LGMN: variants seen among roughly 807,000 people sequenced by gnomAD.
LGMN encodes asparaginyl endopeptidase.
A neutral mutation model predicts 56.8 loss-of-function variants in LGMN; 36 were observed. That is an observed-to-expected ratio of 0.63 (90% CI 0.49 to 0.84). The LOEUF is 0.84. Among genes scored for constraint, LGMN ranks in the 40% least tolerant of loss-of-function variants. The pLI is 0.00. For synonymous variants in LGMN, 199 were observed against 210.1 expected (o/e 0.95, Z 0.46); for missense variants, 446 against 556.1 (o/e 0.80, Z 1.99).
chr14:92,716,408 G>A (rs143027857), intron 4 of LGMN, among the ~76,000 whole-genome samples, 187 bp from the exon 5 acceptor site: 45 of 152,288 alleles, frequency 3.0e-4, no homozygotes, highest in Non-Finnish European at 5.0e-4. Context: ...CGAAGCGGGC[G>A]GAACACTTGA....
Position 92,714,177 on chromosome 14 carries a change from G to A in LGMN, c.480+199C>T, listed in dbSNP as rs967196465. The stretch of plus-strand genomic sequence containing the variant: ...AGCTACCGACGCTGCGACATGAACA[G>A]AAAAGCAGGGAAAACTGTCTGGAAG... On this transcript the variant is annotated intron_variant, in intron 6 of 13. Transcript: ENST00000334869. This position sits in a 1 kb window ranked among gnomAD's most constrained non-coding sequence, Gnocchi z 5.1. Among the ~76,000 whole-genome samples, 3 of 152,174 alleles carry A rather than the reference G, an allele frequency of 2.0e-5. No individual in the cohort carries two copies. The highest frequency in any genetic ancestry group is 4.4e-5 in the Non-Finnish European group (3 of 68,034).
At chr14:92,719,215 A>ACCG (rs2140232154) in intron 2 of LGMN, among the ~76,000 whole-genome samples, 1 of 107,054 alleles carries the variant, frequency 9.3e-6, no homozygotes, top group Non-Finnish European at 1.8e-5. Flanking sequence ...CACCACCGCC[A>ACCG]CCAACACCAC....
At chr14:92,732,404 C>T in intron 2 of LGMN, 4 of 448,452 alleles carry the variant, frequency 8.9e-6, no homozygotes, top group Non-Finnish European at 1.6e-5. Context: ...ATTAAGATGG[C>T]CCTATCAAAA....
chr14:92,719,272 G>GCCA (rs1890294722), intron 2 of LGMN, among the ~76,000 whole-genome samples: 1 of 16,636 alleles, frequency 6.0e-5, no homozygotes, highest in Non-Finnish European at 1.1e-4. Context: ...CACCGCCGCC[G>GCCA]CCGCCACCGC....
chr14:92,720,607 C>G (rs1199819757), intron 2 of LGMN, among the ~76,000 whole-genome samples: 1 of 152,166 alleles, frequency 6.6e-6, no homozygotes, highest in South Asian at 2.1e-4. Flanking sequence ...GCGGCGGTTG[C>G]AGTGAGCCGA....
At position 92,714,184 on chromosome 14, in the gene LGMN, A is replaced by T. The variant is rs1360530136; in HGVS notation, c.480+192T>A. 6.6e-6 allele frequency among the ~76,000 whole-genome samples: 1 copy of T among 152,236 alleles called. No homozygotes were observed. The highest frequency in any genetic ancestry group is 1.5e-5 in the Non-Finnish European group (1 of 68,044). ...GACGCTGCGACATGAACAGAAAAGC[A>T]GGGAAAACTGTCTGGAAGAGATGTC... is the stretch of plus-strand genomic sequence containing the variant. On this transcript the variant is annotated intron_variant, in intron 6 of 13. Transcript: ENST00000334869. This position sits in a 1 kb window ranked among gnomAD's most constrained non-coding sequence, Gnocchi z 5.1.
At chr14:92,743,602 G>A (rs1419568919) in intron 1 of LGMN, among the ~76,000 whole-genome samples, 1 of 151,218 alleles carries the variant, frequency 6.6e-6, no homozygotes, top group African/African-American at 2.4e-5. Flanking sequence ...AGGAGTTCAA[G>A]ACCAGCCTGG....
intron 11 of LGMN, among the ~76,000 whole-genome samples, chr14:92,708,788 C>T (rs1405207982): frequency 2.3e-5 from 3 of 132,956 alleles, no homozygotes; most frequent in African/African-American, 8.6e-5. Context: ...ACCCAGGAGG[C>T]GGAGGTTGCA....
chr14:92,704,396 T>A lies in LGMN; in HGVS notation c.1260-35A>T, dbSNP rs2250672. 27 of 1,533,810 alleles carry A rather than the reference T, an allele frequency of 1.8e-5. No individual in the cohort carries two copies. In the Admixed American group the frequency reaches 2.4e-4, roughly 14 times the overall value. ...ACAGGAAGGAGAACTTGGTGAACCG[T>A]GTCAACTCTGAAGAAAGGCAGACAA... On this transcript the variant is annotated intron_variant, in intron 13 of 13. Transcript: ENST00000334869.
At chr14:92,744,037 C>T (rs1459773023) in intron 1 of LGMN, among the ~76,000 whole-genome samples, 4 of 151,592 alleles carry the variant, frequency 2.6e-5, no homozygotes, top group Non-Finnish European at 5.9e-5. Flanking sequence ...GCCTGTAATC[C>T]CAGCTACTCG....
At chr14:92,735,127 C>A (rs1051908842) in intron 1 of LGMN, among the ~76,000 whole-genome samples, 1 of 152,040 alleles carries the variant, frequency 6.6e-6, no homozygotes, top group South Asian at 2.1e-4. Context: ...ACAAGTAATT[C>A]TCCCACTTGA....
chr14:92,708,793 G>A (rs1889574981), intron 11 of LGMN, among the ~76,000 whole-genome samples: 1 of 142,578 alleles, frequency 7.0e-6, no homozygotes, highest in South Asian at 2.2e-4. Context: ...GGAGGCGGAG[G>A]TTGCAGTGAG....
Position 92,714,030 on chromosome 14 carries a change from G to A in LGMN, c.481-145C>T, listed in dbSNP as rs2140219135. ...ATGGTGAAGAACATAACCCCAGAATGTCGTCACATGTTTTATGCACGCATT... is the reference window on the plus strand; with the variant it reads ...ATGGTGAAGAACATAACCCCAGAATATCGTCACATGTTTTATGCACGCATT... On this transcript the variant is annotated intron_variant, in intron 6 of 13. Transcript: ENST00000334869. This position sits in a 1 kb window ranked among gnomAD's most constrained non-coding sequence, Gnocchi z 5.1. 1 of 708,146 alleles carries A rather than the reference G, an allele frequency of 1.4e-6. No individual in the cohort carries two copies. Among genetic ancestry groups the A allele is most frequent in the East Asian group, 2.6e-5 (1 of 38,130 alleles). 43.9% of individuals were successfully genotyped at this position (708,146 alleles called of 1,614,324 possible).
intron 10 of LGMN, among the ~76,000 whole-genome samples, chr14:92,710,820 C>T (rs999073279): frequency 2.6e-5 from 4 of 152,358 alleles, no homozygotes; most frequent in Middle Eastern, 3.4e-3. Flanking sequence ...TCTGCTCCAA[C>T]TCTCTCCTAC....
intron 11 of LGMN, among the ~76,000 whole-genome samples, chr14:92,709,168 T>C (rs949590680): frequency 2.0e-5 from 3 of 151,962 alleles, no homozygotes; most frequent in African/African-American, 7.3e-5. Context: ...TTTTTGTGGA[T>C]TGGATTTTTT....
In LGMN at chr14:92,717,480, A is replaced by G; in HGVS notation, c.237-19T>C. 1.3e-6 allele frequency: 2 copies of G among 1,578,644 alleles called. No individual in the cohort carries two copies. Among genetic ancestry groups the G allele is most frequent in the Non-Finnish European group, 1.7e-6 (2 of 1,148,060 alleles). On this transcript the variant is annotated intron_variant, in intron 3 of 13. Transcript: ENST00000334869. ...GGGATTGCTGAAAATTAAAGGACAC[A>G]ATTTAAACGAGATGTGGCATGCCTC...
chr14:92,732,858 T>A (rs1613441), intron 1 of LGMN, 43 bp from the exon 2 acceptor site: 1,079,151 of 1,514,324 alleles, frequency 0.71, 388,187 homozygotes, highest in African/African-American at 0.93. Flanking sequence ...CAACAAGAAC[T>A]GATAAACATT....
At chr14:92,713,499 GA>G (rs1889906365) in intron 7 of LGMN, among the ~76,000 whole-genome samples, 1 of 152,174 alleles carries the variant, frequency 6.6e-6, no homozygotes, top group Non-Finnish European at 1.5e-5. Context: ...ACAGTCCTAG[GA>G]ATAGGAGTCT....
At chr14:92,712,211 C>G (rs1447916124) in intron 8 of LGMN, among the ~76,000 whole-genome samples, 3 of 152,160 alleles carry the variant, frequency 2.0e-5, no homozygotes, top group African/African-American at 7.2e-5. Flanking sequence ...ATGCTTAGGA[C>G]ATCATGCTAT....
Sources: gnomAD v4.1 joint callset for allele counts (sites outside exome capture counted in the v4.1 genomes callset) on GRCh38, gnomAD v4.1.1 for gene constraint, Gnocchi (gnomAD v3.1) non-coding constraint, MANE v1.5 for transcripts, NCBI Gene and HGNC (gene_info 2026-07-23, HGNC 2026-07-21) for gene names.